The following RERE variants were observed in gnomAD, a reference collection of about 807,000 sequenced individuals.
RERE encodes arginine-glutamic acid dipeptide repeats, also known as arginine-glutamic acid dipeptide repeats protein.
In RERE, 40 loss-of-function variants were observed where a neutral mutation model predicts 146.1. The observed-to-expected ratio is 0.27, with a 90% CI of 0.21 to 0.36. RERE has a LOEUF of 0.36. RERE is among the 10% of genes least tolerant of loss of function. The pLI, the probability that RERE is intolerant of heterozygous loss-of-function variation, is 1.00. For synonymous variants in RERE, 1,003 were observed against 866.0 expected (o/e 1.16, Z -2.78); for missense variants, 1,933 against 2,138.7 (o/e 0.90, Z 1.90).
At chr1:8,401,596 C>CA (rs1453357519) in intron 12 of RERE, among the ~76,000 whole-genome samples, 1 of 151,894 alleles carries the variant, frequency 6.6e-6, no homozygotes, top group Non-Finnish European at 1.5e-5. Context: ...CTCATTTCTA[C>CA]AAAAAATAAA....
Position 8,529,287 on chromosome 1 carries a change from CTTTT to C in RERE, c.830+11923_830+11926del, listed in dbSNP as rs34547801. Among the ~76,000 whole-genome samples the C allele has an allele frequency of 2.6e-3, 262 of 102,430 alleles. 1 individual carries two copies. Among genetic ancestry groups the C allele is most frequent in the African/African-American group, 7.9e-3 (205 of 26,050 alleles). 67.2% of individuals were successfully genotyped at this position (102,430 alleles called of 152,430 possible). A position where few individuals can be genotyped will look rare whatever the true frequency, so the allele number is the denominator to read the frequency against. ...CCTCCACAACCATCAGTTCTCCCTT[CTTTT>C]TTTTTTTTTTTTTTTTGAGATGGAG... On this transcript the variant is annotated intron_variant, in intron 7 of 22. Coordinates refer to ENST00000400908, the MANE Select transcript of RERE (RefSeq NM_001042681.2).
intron 1 of RERE, among the ~76,000 whole-genome samples, chr1:8,809,157 A>AAAAAAAAAAAAAAAAAAAAAAAAAT (rs985140466): frequency 2.1e-5 from 3 of 146,208 alleles, no homozygotes; most frequent in African/African-American, 8.2e-5. Flanking sequence ...AAAAAAAAAA[A>AAAAAAAAAAAAAAAAAAAAAAAAAT]AAAGTACTGA....
intron 4 of RERE, among the ~76,000 whole-genome samples, chr1:8,599,338 T>C (rs1316012441): frequency 6.6e-6 from 1 of 152,182 alleles, no homozygotes; most frequent in African/African-American, 2.4e-5. Context: ...ACTTCCTTCA[T>C]ACGGGAAAAA....
intron 4 of RERE, among the ~76,000 whole-genome samples, chr1:8,566,582 G>A (rs1183313970): frequency 3.3e-5 from 5 of 152,118 alleles, no homozygotes; most frequent in African/African-American, 1.2e-4. Context: ...TGGCACCACT[G>A]CACTCCAGCC....
intron 10 of RERE, among the ~76,000 whole-genome samples, chr1:8,477,243 G>A (rs552783248): frequency 1.2e-4 from 18 of 152,266 alleles, no homozygotes; most frequent in African/African-American, 3.6e-4. Flanking sequence ...GCTGCTTGCC[G>A]GGGCAGGAGG....
intron 4 of RERE, among the ~76,000 whole-genome samples, chr1:8,562,183 C>T (rs534159453): frequency 2.0e-5 from 3 of 152,146 alleles, no homozygotes; most frequent in South Asian, 4.2e-4. Flanking sequence ...AAAGTTTTTG[C>T]TTTTCTAAGA....
intron 10 of RERE, among the ~76,000 whole-genome samples, chr1:8,491,440 A>G (rs1644978720): frequency 6.6e-6 from 1 of 152,082 alleles, no homozygotes; most frequent in Admixed American, 6.6e-5. Context: ...ATCTCAAAAC[A>G]AAAACAAAAA....
intron 12 of RERE, among the ~76,000 whole-genome samples, chr1:8,411,073 T>C (rs961906631): frequency 1.1e-4 from 16 of 152,170 alleles, no homozygotes; most frequent in African/African-American, 3.9e-4. Context: ...GGAGAAATAA[T>C]AACTAGAACA....
At chr1:8,463,490 A>G (rs1644552322) in intron 11 of RERE, among the ~76,000 whole-genome samples, 2 of 152,356 alleles carry the variant, frequency 1.3e-5, no homozygotes, top group Admixed American at 1.3e-4. Flanking sequence ...CAAATCCTCA[A>G]GCAGCAGCAA....
At chr1:8,785,472 T>C (rs1213115925) in intron 1 of RERE, among the ~76,000 whole-genome samples, 3 of 152,246 alleles carry the variant, frequency 2.0e-5, no homozygotes, top group Non-Finnish European at 4.4e-5. Flanking sequence ...ATCTTTCTTG[T>C]TCCATCAGCA....
chr1:8,433,585 G>C (rs1441058738), intron 11 of RERE, among the ~76,000 whole-genome samples: 1 of 133,726 alleles, frequency 7.5e-6, no homozygotes, highest in Non-Finnish European at 1.5e-5. Context: ...ACGGAGTCTC[G>C]CTCTGTCGCC....
intron 1 of RERE, chr1:8,786,965 C>A (rs957225510): frequency 6.1e-5 from 39 of 643,738 alleles, no homozygotes; most frequent in Admixed American, 2.3e-4. Flanking sequence ...CGCAGTCTAA[C>A]TTTCACACAG....
At chr1:8,573,912 C>A (rs1646256091) in intron 4 of RERE, among the ~76,000 whole-genome samples, 1 of 152,072 alleles carries the variant, frequency 6.6e-6, no homozygotes, top group Non-Finnish European at 1.5e-5. Context: ...CTCAAGCTCT[C>A]CTCCTACCTC....
chr1:8,622,420 T>C lies in RERE; in HGVS notation c.396+1890A>G, dbSNP rs112609347. Among the ~76,000 whole-genome samples the C allele has an allele frequency of 1.9e-3, 260 of 137,806 alleles. 1 individual carries two copies. The highest frequency in any genetic ancestry group is 5.7e-3 in the African/African-American group (209 of 36,662). 90.4% of individuals were successfully genotyped at this position (137,806 alleles called of 152,430 possible). On this transcript the variant is annotated intron_variant, in intron 3 of 22. Coordinates refer to ENST00000400908, the MANE Select transcript of RERE (RefSeq NM_001042681.2). ...GGAAAAGGGCAGTAGCAGCAGCCAC[T>C]ACCAAAACAAAACTCTTCAGGAATA...
chr1:8,598,663 T>C (rs1646584558), intron 4 of RERE, among the ~76,000 whole-genome samples: 1 of 152,198 alleles, frequency 6.6e-6, no homozygotes, highest in African/African-American at 2.4e-5. Flanking sequence ...TTCTGTCCTT[T>C]GTTAATCAGT....
intron 7 of RERE, among the ~76,000 whole-genome samples, chr1:8,528,838 A>G (rs1157453807): frequency 6.6e-6 from 1 of 152,184 alleles, no homozygotes; most frequent in Admixed American, 6.5e-5. Context: ...ACAGCAATAC[A>G]GCAAAAAAAG....
At chr1:8,494,038 T>C (rs1163466436) in intron 10 of RERE, among the ~76,000 whole-genome samples, 1 of 152,180 alleles carries the variant, frequency 6.6e-6, no homozygotes, top group Non-Finnish European at 1.5e-5. Flanking sequence ...GTTTCAGTAA[T>C]CATATTGTTT....
At chr1:8,579,133 C>A (rs1039482619) in intron 4 of RERE, among the ~76,000 whole-genome samples, 2 of 152,232 alleles carry the variant, frequency 1.3e-5, no homozygotes, top group Non-Finnish European at 2.9e-5. Context: ...CTGTTACTCA[C>A]GCAGAACCAC....
chr1:8,443,379 C>T (rs186570759), intron 11 of RERE, among the ~76,000 whole-genome samples: 2 of 145,792 alleles, frequency 1.4e-5, no homozygotes, highest in Non-Finnish European at 3.0e-5. Context: ...GGAGGATCAC[C>T]TGAACCCAAG....
Sources: gnomAD v4.1 joint callset for allele counts (sites outside exome capture counted in the v4.1 genomes callset) on GRCh38, gnomAD v4.1.1 for gene constraint, MANE v1.5 for transcripts, NCBI Gene and HGNC (gene_info 2026-07-23, HGNC 2026-07-21) for gene names.